Variants in PCDHA3 observed in about 807,000 individuals in gnomAD.
PCDHA3 encodes protocadherin alpha 3, also known as protocadherin alpha-3.
In PCDHA3, 41 loss-of-function variants were observed where a neutral mutation model predicts 62.2. That is an observed-to-expected ratio of 0.66 (90% CI 0.51 to 0.86). PCDHA3 has a LOEUF of 0.86. PCDHA3 is among the 40% of genes least tolerant of loss of function. The probability of loss-of-function intolerance (pLI) is 0.00; values close to 1 mark genes in which losing one functional copy is unlikely to be tolerated. For synonymous variants in PCDHA3, 640 were observed against 555.4 expected (o/e 1.15, Z -2.14); for missense variants, 1,304 against 1,241.2 (o/e 1.05, Z -0.76).
At chr5:140,977,661 CTGCA>C (rs1554238727) in intron 1 of PCDHA3, among the ~76,000 whole-genome samples, 1 of 152,168 alleles carries the variant, frequency 6.6e-6, no homozygotes, top group Non-Finnish European at 1.5e-5. Flanking sequence ...GGCTAATTCT[CTGCA>C]TGCCAAATAT....
intron 1 of PCDHA3, among the ~76,000 whole-genome samples, chr5:140,954,085 C>G (rs1477637836): frequency 1.3e-5 from 2 of 152,142 alleles, no homozygotes; most frequent in African/African-American, 4.8e-5. Context: ...GCTTCCAGCT[C>G]CATCCATGTC....
At chr5:140,990,176 T>G (rs1294066255) in intron 3 of PCDHA3, among the ~76,000 whole-genome samples, 1 of 152,142 alleles carries the variant, frequency 6.6e-6, no homozygotes, top group Non-Finnish European at 1.5e-5. Context: ...AAAAGGTGAC[T>G]TTTAAGAACC....
At chr5:140,915,083 C>T in intron 1 of PCDHA3, among the ~76,000 whole-genome samples, 1 of 151,628 alleles carries the variant, frequency 6.6e-6, no homozygotes, top group East Asian at 1.9e-4. Flanking sequence ...GTAGCTGGGA[C>T]TATGGGCACG....
At chr5:140,829,609 C>T (rs1562309230) in intron 1 of PCDHA3, 3 of 1,612,110 alleles carry the variant, frequency 1.9e-6, no homozygotes, top group Non-Finnish European at 2.5e-6. Flanking sequence ...CGTTGTCGAG[C>T]TACATTTCGG....
At chr5:140,822,585 G>C (rs2150117508) in intron 1 of PCDHA3, 20 of 1,611,928 alleles carry the variant, frequency 1.2e-5, no homozygotes, top group Non-Finnish European at 1.6e-5. Context: ...ATGCAGATGA[G>C]GGCATCAATA....
chr5:140,822,226 T>C, intron 1 of PCDHA3: 1 of 1,614,276 alleles, frequency 6.2e-7, no homozygotes, highest in Non-Finnish European at 8.5e-7. Context: ...AGATTCGCGG[T>C]TTCCGCTAGA....
At chr5:140,984,783 G>A (rs2097120793) in intron 3 of PCDHA3, among the ~76,000 whole-genome samples, 1 of 152,152 alleles carries the variant, frequency 6.6e-6, no homozygotes, top group African/African-American at 2.4e-5. Flanking sequence ...CTTGCTGGGT[G>A]AGCATAGACA....
At chr5:140,928,890 CTT>C in intron 1 of PCDHA3, 1 of 1,614,182 alleles carries the variant, frequency 6.2e-7, no homozygotes, top group South Asian at 1.1e-5. Context: ...TACTTCCAGA[CTT>C]TGAAGATGTC....
intron 1 of PCDHA3, chr5:140,881,349 A>G: frequency 2.0e-6 from 2 of 985,302 alleles, no homozygotes; most frequent in Non-Finnish European, 2.4e-6. Flanking sequence ...TCGGGCTACA[A>G]TGCGTGGCTT....
At chr5:140,808,268 G>T (rs569401882) in intron 1 of PCDHA3, 2 of 1,614,250 alleles carry the variant, frequency 1.2e-6, no homozygotes, top group South Asian at 2.2e-5. Flanking sequence ...TCCAATTAGA[G>T]AGGACGCTCC....
At chr5:140,849,745 G>T (rs2150447816) in intron 1 of PCDHA3, 1 of 1,598,462 alleles carries the variant, frequency 6.3e-7, no homozygotes, top group Admixed American at 1.7e-5. Context: ...GACCGCGAGA[G>T]TGTGTCCGCC....
chr5:140,889,063 A>G (rs1423499022), intron 1 of PCDHA3, among the ~76,000 whole-genome samples: 2 of 151,938 alleles, frequency 1.3e-5, no homozygotes, highest in Non-Finnish European at 2.9e-5. Context: ...CTTTTAATAT[A>G]CTACTTATTT....
At position 140,967,577 on chromosome 5, in the gene PCDHA3, C is replaced by T. The variant is rs141338011; in HGVS notation, c.2395-11372C>T. Reference sequence around the variant, plus strand: ...TCGCGTCCAGCTACGGGAGGACTCACCCCCAGGCACATTGGTGGTGAAGCT... The same window carrying T: ...TCGCGTCCAGCTACGGGAGGACTCATCCCCAGGCACATTGGTGGTGAAGCT... On this transcript the variant is annotated intron_variant, in intron 1 of 3. Transcript: ENST00000522353. 11 of 1,614,016 alleles carry T rather than the reference C, an allele frequency of 6.8e-6. No homozygotes were observed. Among genetic ancestry groups the T allele is most frequent in the African/African-American group, 4.0e-5 (3 of 74,938 alleles).
At position 140,802,377 on chromosome 5, in the gene PCDHA3, C is replaced by T; in HGVS notation, c.1180C>T (p.Pro394Ser). The change falls in exon 1 of 4, where the codon CCC becomes TCC. Residue 394 changes from proline (P) to serine (S), a missense_variant. Physicochemically the swap from Pro to Ser is moderately conservative, Grantham distance 74. Coordinates refer to ENST00000522353, the MANE Select transcript of PCDHA3 (RefSeq NM_018906.3). The part of the protein sequence containing the change: ...QVTCSLTPHV[P>S]FKLVSTFKNY... ...CACCTGCTCGCTGACGCCCCACGTC[C>T]CCTTCAAGCTGGTGTCCACCTTCAA... 2 of 1,614,264 alleles carry T rather than the reference C, an allele frequency of 1.2e-6. No homozygotes were observed. Among genetic ancestry groups the T allele is most frequent in the Non-Finnish European group, 8.5e-7 (1 of 1,180,046 alleles).
rs2150374471 is a variant in PCDHA3, at chr5:140,844,869, T to C, written c.2394+41278T>C. Among the ~76,000 whole-genome samples the C allele has an allele frequency of 2.0e-5, 3 of 149,476 alleles. No homozygotes were observed. The Admixed American group carries it at 2.0e-4, about 10-fold the overall frequency. On this transcript the variant is annotated intron_variant, in intron 1 of 3. Transcript: ENST00000522353. ...CTGTTGGACCTGCCTGGATATTAAA[T>C]ACCCATTAGACTTCGTGCATATTGC... is the stretch of plus-strand genomic sequence containing the variant.
chr5:140,834,723 CT>C, intron 1 of PCDHA3: 1 of 1,614,276 alleles, frequency 6.2e-7, no homozygotes, highest in South Asian at 1.1e-5. Flanking sequence ...GGAAAGGCCG[CT>C]GCAGGTTTTC....
chr5:140,851,473 G>A, intron 1 of PCDHA3: 4 of 889,518 alleles, frequency 4.5e-6, no homozygotes, highest in African/African-American at 1.8e-5. Context: ...GTCAATAAAT[G>A]TTATAAACAC....
chr5:140,928,716 C>G (rs555492959), intron 1 of PCDHA3: 3 of 1,614,178 alleles, frequency 1.9e-6, no homozygotes, highest in Non-Finnish European at 2.5e-6. Flanking sequence ...ACTCTAGTCT[C>G]TTTAGAATTT....
intron 1 of PCDHA3, chr5:140,829,549 G>A (rs2150169844): frequency 6.2e-7 from 1 of 1,612,924 alleles, no homozygotes; most frequent in Non-Finnish European, 8.5e-7. Flanking sequence ...ACGCGCAGGA[G>A]AACGCGCTGG....
Sources: gnomAD v4.1 joint callset for allele counts (sites outside exome capture counted in the v4.1 genomes callset) on GRCh38, gnomAD v4.1.1 for gene constraint, MANE v1.5 for transcripts, NCBI Gene and HGNC (gene_info 2026-07-23, HGNC 2026-07-21) for gene names.